TENM2: variants seen among roughly 807,000 people sequenced by gnomAD.
TENM2 encodes teneurin-2.
In TENM2, 52 loss-of-function variants were observed where a neutral mutation model predicts 245.2. The observed-to-expected ratio is 0.21, with a 90% CI of 0.17 to 0.27. The LOEUF (loss-of-function observed/expected upper bound fraction) is 0.27, where lower values mean the gene tolerates loss of function less well. Ranked by LOEUF, TENM2 falls within the 10% of genes least tolerant of loss-of-function variation. The probability of loss-of-function intolerance (pLI) is 1.00; values close to 1 mark genes in which losing one functional copy is unlikely to be tolerated. For missense variants in TENM2, 3,046 were observed against 3,666.8 expected (o/e 0.83, Z 4.37); for synonymous variants, 1,363 against 1,438.9 (o/e 0.95, Z 1.19).
intron 7 of TENM2, among the ~76,000 whole-genome samples, chr5:168,075,715 C>G (rs2152145565): frequency 6.6e-6 from 1 of 152,262 alleles, no homozygotes; most frequent in Admixed American, 6.5e-5. Context: ...TCTCATGCTG[C>G]TAATAAAGAC....
intron 3 of TENM2, chr5:167,938,051 G>A (rs1000861829): frequency 1.3e-5 from 2 of 152,216 alleles, no homozygotes; most frequent in African/African-American, 2.4e-5. Context: ...CATGTATTCC[G>A]TGTGCTTAAT....
chr5:167,325,775 G>T (rs887913747), intron 1 of TENM2, among the ~76,000 whole-genome samples: 1 of 152,060 alleles, frequency 6.6e-6, no homozygotes, highest in Non-Finnish European at 1.5e-5. Context: ...TATTCCAGAC[G>T]TTGTTCTGGC....
At chr5:167,889,023 A>G (rs1389014257) in intron 3 of TENM2, among the ~76,000 whole-genome samples, 2 of 152,216 alleles carry the variant, frequency 1.3e-5, no homozygotes, top group East Asian at 1.9e-4. Context: ...GCAGTGATCA[A>G]TCGTTCTTCT....
exon 29 of TENM2, chr5:168,262,288 C>A (rs759372256): frequency 5.0e-6 from 8 of 1,609,654 alleles, no homozygotes; most frequent in South Asian, 1.1e-5. Flanking sequence ...CTGTGCTGAA[C>A]AACGCCTACT....
chr5:168,051,655 A>G (rs951548476), intron 6 of TENM2, among the ~76,000 whole-genome samples: 1 of 152,134 alleles, frequency 6.6e-6, no homozygotes, highest in Non-Finnish European at 1.5e-5. Context: ...ATGCACTATA[A>G]TATAGGATTT....
At chr5:166,988,813 C>A in the TENM2 span, among the ~76,000 whole-genome samples, 1 of 152,160 alleles carries the variant, frequency 6.6e-6, no homozygotes, top group African/African-American at 2.4e-5. Flanking sequence ...TTGCACAATG[C>A]CTGCAAGAAA....
chr5:168,219,824 CAAAAAAA>C (rs70976468), intron 23 of TENM2, among the ~76,000 whole-genome samples: 19 of 49,816 alleles, frequency 3.8e-4, no homozygotes, highest in East Asian at 6.8e-4. Flanking sequence ...GTTGGCACAG[CAAAAAAA>C]AAAAAAAAAA....
At chr5:167,145,410 A>G in the TENM2 span, among the ~76,000 whole-genome samples, 5 of 152,196 alleles carry the variant, frequency 3.3e-5, no homozygotes, top group Admixed American at 6.5e-5. Context: ...ATGTATGAAA[A>G]GCAACAGGCT....
intron 5 of TENM2, among the ~76,000 whole-genome samples, chr5:168,027,280 T>C (rs1786710622): frequency 6.6e-6 from 1 of 152,170 alleles, no homozygotes; most frequent in African/African-American, 2.4e-5. Flanking sequence ...TTAAGGAGTC[T>C]GTTCTAAGTG....
At chr5:167,682,372 A>G (rs1463936891) in intron 2 of TENM2, among the ~76,000 whole-genome samples, 1 of 151,884 alleles carries the variant, frequency 6.6e-6, no homozygotes, top group Non-Finnish European at 1.5e-5. Flanking sequence ...TATGTTGGCC[A>G]GGCTAGTCTT....
intron 5 of TENM2, among the ~76,000 whole-genome samples, chr5:168,016,261 C>T (rs902112055): frequency 6.6e-6 from 1 of 152,182 alleles, no homozygotes; most frequent in African/African-American, 2.4e-5. Flanking sequence ...ATAGGAACTG[C>T]CCTAATGAAA....
chr5:168,167,325 C>T (rs1280912366), intron 13 of TENM2, among the ~76,000 whole-genome samples: 5 of 151,938 alleles, frequency 3.3e-5, no homozygotes, highest in Non-Finnish European at 5.9e-5. Context: ...GGTGAGGAGG[C>T]GTTGTTAGAC....
At chr5:167,238,338 G>A in the TENM2 span, among the ~76,000 whole-genome samples, 5 of 152,188 alleles carry the variant, frequency 3.3e-5, no homozygotes, top group East Asian at 5.8e-4. Context: ...TAGATCTCAG[G>A]TCTTATGAAA....
intron 2 of TENM2, among the ~76,000 whole-genome samples, chr5:167,541,073 C>A (rs530063866): frequency 3.3e-5 from 5 of 152,276 alleles, no homozygotes; most frequent in African/African-American, 1.2e-4. Flanking sequence ...GGGATAGGTA[C>A]TAAACTAAAA....
rs1383106248 is a variant in TENM2, at chr5:168,226,273, C to T, written c.5284+10C>T. 4.3e-6 allele frequency: 7 copies of T among 1,610,226 alleles called. No individual in the cohort carries two copies. The South Asian group carries it at 7.7e-5, about 18-fold the overall frequency. On this transcript the variant is annotated intron_variant, in intron 24 of 28. Coordinates refer to ENST00000518659, the Ensembl canonical transcript of TENM2. Reference sequence around the variant, plus strand: ...TACACAGTGGTACAAGGTGAGCCTCCACCCATACCATCCTACCCCCAAACT... The same window carrying T: ...TACACAGTGGTACAAGGTGAGCCTCTACCCATACCATCCTACCCCCAAACT...
chr5:167,416,761 C>T (rs73801210), intron 2 of TENM2, among the ~76,000 whole-genome samples: 3,537 of 152,150 alleles, frequency 0.023, 151 homozygotes, highest in African/African-American at 0.081. Context: ...GTACAATGAA[C>T]ATGCTTACTG....
At chr5:167,217,145 G>A in the TENM2 span, among the ~76,000 whole-genome samples, 1 of 151,936 alleles carries the variant, frequency 6.6e-6, no homozygotes, top group South Asian at 2.1e-4. Context: ...CTTTGTCATG[G>A]TTTCTTAATG....
intron 1 of TENM2, among the ~76,000 whole-genome samples, chr5:167,302,962 G>C (rs1423296354): frequency 6.6e-6 from 1 of 152,234 alleles, no homozygotes; most frequent in African/African-American, 2.4e-5. Flanking sequence ...TGGAGTTTTG[G>C]GTCCATGGAT....
At chr5:167,498,778 T>G (rs569210908) in intron 2 of TENM2, among the ~76,000 whole-genome samples, 31 of 152,246 alleles carry the variant, frequency 2.0e-4, no homozygotes, top group African/African-American at 6.7e-4. Context: ...AAAATTTTAT[T>G]TCAAATTTTC....
Sources: allele counts gnomAD v4.1 joint callset (sites outside exome capture counted in the v4.1 genomes callset), GRCh38; gene constraint gnomAD v4.1.1; transcripts MANE v1.5; gene names NCBI Gene and HGNC (gene_info 2026-07-23, HGNC 2026-07-21).